The following CD79A variants were observed in gnomAD, a reference collection of about 807,000 sequenced individuals.
CD79A encodes B-cell antigen receptor complex-associated protein alpha chain.
In CD79A, 16 loss-of-function variants were observed where a neutral mutation model predicts 27.4. That is an observed-to-expected ratio of 0.58 (90% CI 0.40 to 0.89). CD79A has a LOEUF of 0.89. Ranked by LOEUF, CD79A falls within the 40% of genes least tolerant of loss-of-function variation. CD79A has a pLI of 0.00. For missense variants in CD79A, 237 were observed against 299.7 expected (o/e 0.79, Z 1.55); for synonymous variants, 110 against 132.7 (o/e 0.83, Z 1.18).
chr19:41,880,647 A>ACCC, intron 3 of CD79A, 23 bp from the exon 4 acceptor site: 3 of 535,732 alleles, frequency 5.6e-6, no homozygotes, highest in East Asian at 5.2e-5. Flanking sequence ...TCACTGAGGC[A>ACCC]CCCACCCCAC....
In CD79A at chr19:41,880,952, T is replaced by A. The variant is rs781969358; in HGVS notation, c.653T>A (p.Ile218Lys). The A allele has an allele frequency of 3.1e-6, 5 of 1,587,772 alleles. No homozygotes were observed. In the East Asian group the frequency reaches 9.1e-5, roughly 29 times the overall value. Residue 218 changes from isoleucine to lysine, a missense_variant, in exon 5 of 5, where the codon ATA (isoleucine) becomes AAA (lysine). Physicochemically the swap from Ile to Lys is moderately radical, Grantham distance 102. Coordinates refer to ENST00000221972, the MANE Select transcript of CD79A (RefSeq NM_001783.4). ...TACCAGGATGTGGGCAGCCTCAACA[T>A]AGGAGATGTCCAGCTGGAGAAGCCG... is the stretch of plus-strand genomic sequence containing the variant. ...GTYQDVGSLNIGDVQLEKP is the reference protein window; with the variant it reads ...GTYQDVGSLNKGDVQLEKP
At chr19:41,880,817 G>A (rs369285217) in intron 4 of CD79A, 50 bp from the exon 5 acceptor site, 1 of 1,504,542 alleles carries the variant, frequency 6.6e-7, no homozygotes, top group African/African-American at 1.4e-5. Flanking sequence ...CTGGGGGCAG[G>A]GACCCCAGGT....
chr19:41,879,003 G>A lies in CD79A; in HGVS notation c.93G>A (p.Gln31=). Residue 31 remains glutamine (Q), a synonymous_variant, in exon 2 of 5, where the codon CAG becomes CAA. Transcript: ENST00000221972. The surrounding 1 kb of genome is among the most constrained non-coding windows in gnomAD (Gnocchi z 5.1). ...GTCTCTCCACAGGCCCTGGGTGCCA[G>A]GCCCTGTGGATGCACAAGGTCCCAG... ...LSAVYLGPGC[Q]ALWMHKVPAS... is the part of the protein sequence containing the mutation. The A allele has an allele frequency of 7.5e-7, 1 of 1,326,140 alleles. No homozygotes were observed. Among genetic ancestry groups the A allele is most frequent in the Non-Finnish European group, 1.0e-6 (1 of 986,056 alleles). The allele number at this position is 1,326,140 out of a possible 1,614,324, so 82.1% of individuals were successfully genotyped here.
In CD79A at chr19:41,877,702, G is replaced by T. The variant is rs1267400970; in HGVS notation, c.79+319G>T. ...TCTTGACTGAGCACCAGGGCTGGGG[G>T]CAGGAAGGGGACTTAGGGGTAGCAG... is the stretch of plus-strand genomic sequence containing the variant. On this transcript the variant is annotated intron_variant, in intron 1 of 4. Transcript: ENST00000221972. This position sits in a 1 kb window ranked among gnomAD's most constrained non-coding sequence, Gnocchi z 4.1. 1.3e-5 allele frequency among the ~76,000 whole-genome samples: 2 copies of T among 152,146 alleles called. No individual in the cohort carries two copies. The highest frequency in any genetic ancestry group is 4.8e-5 in the African/African-American group (2 of 41,412).
rs782467376 is a variant in CD79A at position 41,879,094 on chromosome 19, G to A, written c.184G>A (p.Ala62Thr). The change falls in exon 2 of 5, where the codon GCC becomes ACC. Residue 62 changes from alanine (A) to threonine (T), a missense_variant. Physicochemically the swap from Ala to Thr is moderately conservative, Grantham distance 58 (BLOSUM62 0). Coordinates refer to ENST00000221972, the MANE Select transcript of CD79A (RefSeq NM_001783.4). This position sits in a 1 kb window ranked among gnomAD's most constrained non-coding sequence, Gnocchi z 5.1. The part of the protein sequence containing the change: ...FQCPHNSSNN[A>T]NVTWWRVLHG... ...ATGCCCGCACAATAGCAGCAACAAC[G>A]CCAACGTCACCTGGTGGCGCGTCCT... The A allele has an allele frequency of 9.3e-6, 15 of 1,613,882 alleles. No individual in the cohort carries two copies. Among genetic ancestry groups the A allele is most frequent in the Admixed American group, 3.3e-5 (2 of 59,996 alleles).
rs1054593844 is a variant in CD79A at position 41,878,866 on chromosome 19, C to T, written c.80-124C>T. 8 of 750,778 alleles carry T rather than the reference C, an allele frequency of 1.1e-5. No homozygotes were observed. In the East Asian group the frequency reaches 2.2e-4, roughly 20 times the overall value. 46.5% of individuals were successfully genotyped at this position (750,778 alleles called of 1,614,324 possible). A position where few individuals can be genotyped will look rare whatever the true frequency, so the allele number is the denominator to read the frequency against. ...TATCAGCCCCTGTCAGGGGCTCTCTCTCTCCCTCCCCACCCAGGAGAGTCC... is the reference window on the plus strand; with the variant it reads ...TATCAGCCCCTGTCAGGGGCTCTCTTTCTCCCTCCCCACCCAGGAGAGTCC... On this transcript the variant is annotated intron_variant, in intron 1 of 4. Transcript: ENST00000221972. The surrounding 1 kb of genome is among the most constrained non-coding windows in gnomAD (Gnocchi z 4.3).
chr19:41,880,657 C>G lies in CD79A; in HGVS notation c.499-13C>G. 2 of 1,432,010 alleles carry G rather than the reference C, an allele frequency of 1.4e-6. No individual in the cohort carries two copies. Among genetic ancestry groups the G allele is most frequent in the Non-Finnish European group, 1.9e-6 (2 of 1,039,092 alleles). The allele number at this position is 1,432,010 out of a possible 1,614,324, so 88.7% of individuals were successfully genotyped here. A position where few individuals can be genotyped will look rare whatever the true frequency, so the allele number is the denominator to read the frequency against. The stretch of plus-strand genomic sequence containing the variant: ...CCTGCTCACTGAGGCACCCACCCCA[C>G]CCACCCCTACAGAAACGATGGCAGA... On this transcript the variant is annotated splice_polypyrimidine_tract_variant and intron_variant, in intron 3 of 4. Transcript: ENST00000221972.
Position 41,879,337 on chromosome 19 carries a change from A to G in CD79A, c.379+48A>G. On this transcript the variant is annotated intron_variant, in intron 2 of 4. Coordinates refer to ENST00000221972, the MANE Select transcript of CD79A (RefSeq NM_001783.4). The surrounding 1 kb of genome is among the most constrained non-coding windows in gnomAD (Gnocchi z 5.1). ...CTACTCCCACTGTCCCGCTGGGGAC[A>G]CTCGGTTTATCTTTGAAGTGGGGAT... 6.4e-7 allele frequency: 1 copy of G among 1,565,494 alleles called. No individual in the cohort carries two copies. Among genetic ancestry groups the G allele is most frequent in the Non-Finnish European group, 8.7e-7 (1 of 1,148,544 alleles).
In CD79A at chr19:41,879,321, C is replaced by T; in HGVS notation, c.379+32C>T. ...GGCCCAGCCCTGGCCCCTACTCCCA[C>T]TGTCCCGCTGGGGACACTCGGTTTA... On this transcript the variant is annotated intron_variant, in intron 2 of 4. Transcript: ENST00000221972. The surrounding 1 kb of genome is among the most constrained non-coding windows in gnomAD (Gnocchi z 5.1). 6.3e-7 allele frequency: 1 copy of T among 1,594,696 alleles called. No homozygotes were observed. Among genetic ancestry groups the T allele is most frequent in the Non-Finnish European group, 8.6e-7 (1 of 1,168,752 alleles).
In CD79A at chr19:41,879,218, T is replaced by C. The variant is rs781784706; in HGVS notation, c.308T>C (p.Ile103Thr). The change falls in exon 2 of 5, where the codon ATA (isoleucine) becomes ACA (threonine). Residue 103 changes from isoleucine to threonine, a missense_variant. Transcript: ENST00000221972. The surrounding 1 kb of genome is among the most constrained non-coding windows in gnomAD (Gnocchi z 5.1). ...IQNVNKSHGG[I>T]YVCRVQEGNE... ...AATGTGAACAAGAGCCATGGGGGCATATACGTGTGCCGGGTCCAGGAGGGC... is the reference window on the plus strand; with the variant it reads ...AATGTGAACAAGAGCCATGGGGGCACATACGTGTGCCGGGTCCAGGAGGGC... 6.2e-7 allele frequency: 1 copy of C among 1,613,712 alleles called. No individual in the cohort carries two copies. Among genetic ancestry groups the C allele is most frequent in the African/African-American group, 1.3e-5 (1 of 74,906 alleles).
rs1286289408 is a variant in CD79A at position 41,879,603 on chromosome 19, A to T, written c.448A>T (p.Ile150Phe). ...GAACCGAATCATCACAGCCGAGGGG[A>T]TCATCCTCCTGTTCTGCGCGGTGGT... Reference protein sequence around the residue: ...TKNRIITAEGIILLFCAVVPG... With the variant: ...TKNRIITAEGFILLFCAVVPG... The change falls in exon 3 of 5, where the codon ATC (isoleucine) becomes TTC (phenylalanine). Residue 150 changes from isoleucine to phenylalanine, a missense_variant. Physicochemically the swap from Ile to Phe is conservative, Grantham distance 21. Transcript: ENST00000221972. The surrounding 1 kb of genome is among the most constrained non-coding windows in gnomAD (Gnocchi z 5.1). 6.2e-7 allele frequency: 1 copy of T among 1,612,058 alleles called. No homozygotes were observed. Among genetic ancestry groups the T allele is most frequent in the Non-Finnish European group, 8.5e-7 (1 of 1,179,182 alleles).
chr19:41,880,566 A>G, intron 3 of CD79A, 104 bp from the exon 4 acceptor site: 1 of 818,988 alleles, frequency 1.2e-6, no homozygotes, highest in Non-Finnish European at 2.1e-6. Flanking sequence ...CCTTGGGGAC[A>G]TCTCTTACCC....
intron 3 of CD79A, among the ~76,000 whole-genome samples, 196 bp from the exon 4 acceptor site, chr19:41,880,472 GGA>G (rs2074216476): frequency 6.8e-6 from 1 of 146,780 alleles, no homozygotes; most frequent in African/African-American, 2.6e-5. Context: ...AAGGAAGGAA[GGA>G]AGGAAGGAAG....
Position 41,878,896 on chromosome 19 carries a change from C to T in CD79A, c.80-94C>T. On this transcript the variant is annotated intron_variant, in intron 1 of 4. Coordinates refer to ENST00000221972, the MANE Select transcript of CD79A (RefSeq NM_001783.4). This position sits in a 1 kb window ranked among gnomAD's most constrained non-coding sequence, Gnocchi z 4.3. Reference sequence around the variant, plus strand: ...CCTCCCCACCCAGGAGAGTCCTCACCCTCTTCCCAGGAGTGCTGGAACTGC... The same window carrying T: ...CCTCCCCACCCAGGAGAGTCCTCACTCTCTTCCCAGGAGTGCTGGAACTGC... The T allele has an allele frequency of 9.7e-7, 1 of 1,027,080 alleles. No individual in the cohort carries two copies. Among genetic ancestry groups the T allele is most frequent in the Non-Finnish European group, 1.5e-6 (1 of 682,432 alleles). The allele number at this position is 1,027,080 out of a possible 1,614,324, so 63.6% of individuals were successfully genotyped here. A position where few individuals can be genotyped will look rare whatever the true frequency, so the allele number is the denominator to read the frequency against.
At position 41,879,086 on chromosome 19, in the gene CD79A, GCAA is replaced by G. The variant is rs1555843491; in HGVS notation, c.181_183del (p.Asn61del). 3 of 1,614,014 alleles carry G rather than the reference GCAA, an allele frequency of 1.9e-6. No homozygotes were observed. The highest frequency in any genetic ancestry group is 1.7e-6 in the Non-Finnish European group (2 of 1,180,008). On this transcript the variant is annotated inframe_deletion, in exon 2 of 5. Coordinates refer to ENST00000221972, the MANE Select transcript of CD79A (RefSeq NM_001783.4). The surrounding 1 kb of genome is among the most constrained non-coding windows in gnomAD (Gnocchi z 5.1). Reference sequence around the variant, plus strand: ...CACTTCCAATGCCCGCACAATAGCAGCAACAACGCCAACGTCACCTGGTGGCGC... The same window carrying G: ...CACTTCCAATGCCCGCACAATAGCAGCAACGCCAACGTCACCTGGTGGCGC...
In CD79A at chr19:41,878,674, G is replaced by C. The variant is rs1555843352; in HGVS notation, c.80-316G>C. Among the ~76,000 whole-genome samples the C allele has an allele frequency of 6.6e-6, 1 of 152,060 alleles. No homozygotes were observed. Among genetic ancestry groups the C allele is most frequent in the Non-Finnish European group, 1.5e-5 (1 of 68,000 alleles). On this transcript the variant is annotated intron_variant, in intron 1 of 4. Transcript: ENST00000221972. The surrounding 1 kb of genome is among the most constrained non-coding windows in gnomAD (Gnocchi z 4.3). ...GTACAAAGTGGGTATGCGGGAGGGGGGCAAGAGATGGCGCTGCAGAGGTGA... is the reference window on the plus strand; with the variant it reads ...GTACAAAGTGGGTATGCGGGAGGGGCGCAAGAGATGGCGCTGCAGAGGTGA...
rs2123308237 is a variant in CD79A at position 41,880,990 on chromosome 19, T to A, written c.*10T>A. ...GCTGGAGAAGCCGTGACACCCCTAC[T>A]CCTGCCAGGCTGCCCCCGCCTGCTG... is the stretch of plus-strand genomic sequence containing the variant. On this transcript the variant is annotated 3_prime_UTR_variant, in exon 5 of 5. Transcript: ENST00000221972. 6.6e-7 allele frequency: 1 copy of A among 1,512,500 alleles called. No homozygotes were observed. The highest frequency in any genetic ancestry group is 2.4e-5 in the East Asian group (1 of 42,262). 93.7% of individuals were successfully genotyped at this position (1,512,500 alleles called of 1,614,324 possible).
Position 41,879,680 on chromosome 19 carries a change from G to T in CD79A, c.498+27G>T. On this transcript the variant is annotated intron_variant, in intron 3 of 4. Coordinates refer to ENST00000221972, the MANE Select transcript of CD79A (RefSeq NM_001783.4). This position sits in a 1 kb window ranked among gnomAD's most constrained non-coding sequence, Gnocchi z 5.1. Reference sequence around the variant, plus strand: ...TGAGCCCCCTCGGACCTCTGAGTCAGCCGGGCGAGGGCCTGGGCCGAGGGA... The same window carrying T: ...TGAGCCCCCTCGGACCTCTGAGTCATCCGGGCGAGGGCCTGGGCCGAGGGA... The T allele has an allele frequency of 6.7e-7, 1 of 1,499,568 alleles. No individual in the cohort carries two copies. Among genetic ancestry groups the T allele is most frequent in the Non-Finnish European group, 9.3e-7 (1 of 1,078,940 alleles). The allele number at this position is 1,499,568 out of a possible 1,614,324, so 92.9% of individuals were successfully genotyped here.
At position 41,878,930 on chromosome 19, in the gene CD79A, G is replaced by A; in HGVS notation, c.80-60G>A. 1 of 1,414,742 alleles carries A rather than the reference G, an allele frequency of 7.1e-7. No individual in the cohort carries two copies. The highest frequency in any genetic ancestry group is 9.8e-7 in the Non-Finnish European group (1 of 1,018,470). 87.6% of individuals were successfully genotyped at this position (1,414,742 alleles called of 1,614,324 possible). A position where few individuals can be genotyped will look rare whatever the true frequency, so the allele number is the denominator to read the frequency against. ...AGGAGTGCTGGAACTGCAGGGGCCA[G>A]GGCTGGGGAAATGTGTCACCATCCC... is the stretch of plus-strand genomic sequence containing the variant. On this transcript the variant is annotated intron_variant, in intron 1 of 4. Transcript: ENST00000221972. The surrounding 1 kb of genome is among the most constrained non-coding windows in gnomAD (Gnocchi z 4.3).
Sources: gnomAD v4.1 joint callset for allele counts (sites outside exome capture counted in the v4.1 genomes callset) on GRCh38, gnomAD v4.1.1 for gene constraint, Gnocchi (gnomAD v3.1) non-coding constraint, MANE v1.5 for transcripts, NCBI Gene and HGNC (gene_info 2026-07-23, HGNC 2026-07-21) for gene names.